Variants in RYR3 observed in about 807,000 individuals in gnomAD.
RYR3 encodes ryanodine receptor 3.
A neutral mutation model predicts 584.3 loss-of-function variants in RYR3; 207 were observed. That is an observed-to-expected ratio of 0.35 (90% CI 0.32 to 0.40). RYR3 has a LOEUF of 0.40. Ranked by LOEUF, RYR3 falls within the 10% of genes least tolerant of loss-of-function variation. The pLI, the probability that RYR3 is intolerant of heterozygous loss-of-function variation, is 1.00. For synonymous variants in RYR3, 2,416 were observed against 2,248.5 expected (o/e 1.07, Z -2.11); for missense variants, 5,616 against 6,089.2 (o/e 0.92, Z 2.59).
At position 33,625,844 on chromosome 15, in the gene RYR3, A is replaced by C. The variant is rs563893764; in HGVS notation, c.2574+1821A>C. On this transcript the variant is annotated intron_variant, in intron 20 of 103. Transcript: ENST00000634891. The stretch of plus-strand genomic sequence containing the variant: ...GTAGAAGTCAATCTCCCCTGGGAAA[A>C]AAATTGTTGAATTCTTTTGGGGGGC... Among the ~76,000 whole-genome samples, 9 of 152,338 alleles carry C rather than the reference A, an allele frequency of 5.9e-5. No individual in the cohort carries two copies. In the South Asian group the frequency reaches 1.9e-3, roughly 32 times the overall value.
intron 86 of RYR3, among the ~76,000 whole-genome samples, chr15:33,834,394 G>T (rs1433657266): frequency 1.3e-5 from 2 of 151,862 alleles, no homozygotes; most frequent in Admixed American, 6.6e-5. Flanking sequence ...GTTCGTCAGA[G>T]ATGCTATTAT....
At chr15:33,482,845 G>A (rs944446103) in intron 2 of RYR3, among the ~76,000 whole-genome samples, 1 of 151,832 alleles carries the variant, frequency 6.6e-6, no homozygotes, top group Admixed American at 6.6e-5. Flanking sequence ...AGAATTTGGG[G>A]GACATTATTT....
intron 1 of RYR3, among the ~76,000 whole-genome samples, chr15:33,379,687 C>CTCTCTCTCTCTATATATATATATATATA: frequency 3.7e-4 from 47 of 125,496 alleles, no homozygotes; most frequent in African/African-American, 3.2e-4. Context: ...CTCTCTCTCT[C>CTCTCTCTCTCTATATATATATATATATA]TATATATATA....
At chr15:33,736,466 T>C in intron 49 of RYR3, 141 bp downstream of exon 49, 1 of 585,110 alleles carries the variant, frequency 1.7e-6, no homozygotes, top group Non-Finnish European at 3.0e-6. Flanking sequence ...GCTAACAAGA[T>C]AGATCCCACA....
Position 33,865,229 on chromosome 15 carries a change from C to CTGAA in RYR3, c.*5_*8dup. ...AATATGAAGATCAGCTTGGATAAAT[C>CTGAA]TGAATCAAAGAAGCGCGACAATTCT... On this transcript the variant is annotated 3_prime_UTR_variant, in exon 104 of 104. Transcript: ENST00000634891. The CTGAA allele has an allele frequency of 6.2e-7, 1 of 1,607,920 alleles. No individual in the cohort carries two copies. The highest frequency in any genetic ancestry group is 8.5e-7 in the Non-Finnish European group (1 of 1,176,432).
At chr15:33,676,238 A>C (rs1316540232) in intron 38 of RYR3, among the ~76,000 whole-genome samples, 1 of 19,608 alleles carries the variant, frequency 5.1e-5, no homozygotes, top group African/African-American at 1.7e-4. Context: ...TGCCTCTAGA[A>C]GGTAAAAAAA....
At chr15:33,489,496 T>G (rs2050785595) in intron 2 of RYR3, among the ~76,000 whole-genome samples, 1 of 152,238 alleles carries the variant, frequency 6.6e-6, no homozygotes, top group South Asian at 2.1e-4. Flanking sequence ...ACTGAGGATA[T>G]TAGCCTCCAG....
chr15:33,858,331 A>G (rs977344027), intron 99 of RYR3: 2 of 174,862 alleles, frequency 1.1e-5, no homozygotes, highest in African/African-American at 4.8e-5. Context: ...CAGCCTCCCT[A>G]GTAGCTGGGA....
chr15:33,852,826 C>CTA, intron 94 of RYR3: 1 of 473,098 alleles, frequency 2.1e-6, no homozygotes, highest in Non-Finnish European at 3.8e-6. Context: ...GCCCAGTGGC[C>CTA]TTCTGAGTGT....
At chr15:33,439,845 T>C (rs965746259) in intron 1 of RYR3, among the ~76,000 whole-genome samples, 1 of 152,242 alleles carries the variant, frequency 6.6e-6, no homozygotes, top group African/African-American at 2.4e-5. Context: ...ATATTATCTA[T>C]CATTAGTCCT....
At chr15:33,437,395 A>G (rs945252957) in intron 1 of RYR3, among the ~76,000 whole-genome samples, 3 of 152,260 alleles carry the variant, frequency 2.0e-5, no homozygotes, top group African/African-American at 7.2e-5. Context: ...TGTTCAAGTC[A>G]GGAAGAAGAG....
chr15:33,517,755 C>A (rs2053640132), intron 3 of RYR3, among the ~76,000 whole-genome samples: 1 of 152,140 alleles, frequency 6.6e-6, no homozygotes, highest in Non-Finnish European at 1.5e-5. Context: ...TATTAAAGAT[C>A]AAACTCTGGC....
At chr15:33,381,145 G>A (rs1385371699) in intron 1 of RYR3, among the ~76,000 whole-genome samples, 1 of 152,194 alleles carries the variant, frequency 6.6e-6, no homozygotes, top group Non-Finnish European at 1.5e-5. Flanking sequence ...AGATGAAGGA[G>A]TCCAGGTTCC....
intron 12 of RYR3, 81 bp from the exon 13 acceptor site, chr15:33,579,895 T>A (rs1307085547): frequency 1.2e-5 from 13 of 1,114,376 alleles, no homozygotes; most frequent in Non-Finnish European, 1.6e-5. Context: ...TGGGGGGCTG[T>A]TAGGAGTGGG....
intron 20 of RYR3, among the ~76,000 whole-genome samples, chr15:33,628,065 A>C (rs1377894425): frequency 6.6e-6 from 1 of 152,204 alleles, no homozygotes; most frequent in Non-Finnish European, 1.5e-5. Flanking sequence ...TAACATATTG[A>C]GCTCACTTTA....
chr15:33,580,070 G>A lies in RYR3; in HGVS notation c.1363G>A (p.Glu455Lys). 2.5e-6 allele frequency: 4 copies of A among 1,613,690 alleles called. No homozygotes were observed. Among genetic ancestry groups the A allele is most frequent in the South Asian group, 2.2e-5 (2 of 91,036 alleles). ...DLIAYFQPPE[E>K]EMRHEDKQNK... ...GATCGCCTACTTCCAGCCCCCAGAGGAGGAGATGCGACATGAAGACAAGCA... is the reference window on the plus strand; with the variant it reads ...GATCGCCTACTTCCAGCCCCCAGAGAAGGAGATGCGACATGAAGACAAGCA... Residue 455 changes from glutamate to lysine, a missense_variant, in exon 13 of 104, where the codon GAG (glutamate) becomes AAG (lysine). Physicochemically the swap from Glu to Lys is moderately conservative, Grantham distance 56. Coordinates refer to ENST00000634891, the MANE Select transcript of RYR3 (RefSeq NM_001036.6).
At chr15:33,704,553 AGAGG>A (rs1355542627) in intron 42 of RYR3, among the ~76,000 whole-genome samples, 1 of 152,196 alleles carries the variant, frequency 6.6e-6, no homozygotes, top group African/African-American at 2.4e-5. Flanking sequence ...CTCTGCATCT[AGAGG>A]GAGAGACCTC....
rs1234025586 is a variant in RYR3 at position 33,861,165 on chromosome 15, T to C, written c.14452T>C (p.Leu4818=). The C allele has an allele frequency of 6.3e-7, 1 of 1,588,888 alleles. No individual in the cohort carries two copies. ...FETHTLQEHN[L]ANYLFFLMYL... The stretch of plus-strand genomic sequence containing the variant: ...AACACATACATTACAAGAGCACAAC[T>C]TAGCCAACTACTTGTGAGTATTCTT... Residue 4818 remains leucine, a synonymous_variant, in exon 102 of 104, where the codon TTA becomes CTA. Coordinates refer to ENST00000634891, the MANE Select transcript of RYR3 (RefSeq NM_001036.6).
chr15:33,448,090 A>C (rs2046821738), intron 1 of RYR3, among the ~76,000 whole-genome samples: 1 of 152,248 alleles, frequency 6.6e-6, no homozygotes, highest in African/African-American at 2.4e-5. Flanking sequence ...AAAGCAAATT[A>C]TCTGAGGTTT....
Sources: gnomAD v4.1 joint callset for allele counts (sites outside exome capture counted in the v4.1 genomes callset) on GRCh38, gnomAD v4.1.1 for gene constraint, MANE v1.5 for transcripts, NCBI Gene and HGNC (gene_info 2026-07-23, HGNC 2026-07-21) for gene names.